RGS7: variants seen among roughly 807,000 people sequenced by gnomAD.
The protein encoded by RGS7 is regulator of G protein signaling 7, also known as regulator of G-protein signaling 7.
Under a neutral mutation model 81.1 loss-of-function variants are expected in RGS7, and 27 were observed. That is an observed-to-expected ratio of 0.33 (90% confidence interval 0.25 to 0.46). The LOEUF is 0.46. RGS7 is among the 20% of genes least tolerant of loss of function. The pLI is 1.00. For synonymous variants in RGS7, 208 were observed against 207.7 expected, an observed-to-expected ratio of 1.00 and a Z score of -0.01; for missense variants, 396 against 607.4, an observed-to-expected ratio of 0.65 and a Z score of 3.66.
intron 2 of RGS7, among the ~76,000 whole-genome samples, chr1:241,169,731 T>G (rs2070585084): frequency 6.6e-6 from 1 of 152,352 alleles, no homozygotes; most frequent in Non-Finnish European, 1.5e-5. Flanking sequence ...AGGTCATTTC[T>G]TAGTTATAAA....
chr1:240,962,050 G>GC (rs1210015078), intron 4 of RGS7, among the ~76,000 whole-genome samples: 1 of 152,094 alleles, frequency 6.6e-6, no homozygotes, highest in Non-Finnish European at 1.5e-5. Context: ...TTGAGTTCAT[G>GC]CCTCATGAAA....
chr1:241,161,816 C>T (rs1251972230), intron 2 of RGS7, among the ~76,000 whole-genome samples: 1 of 151,140 alleles, frequency 6.6e-6, no homozygotes, highest in African/African-American at 2.4e-5. Flanking sequence ...CTCCCAGGTT[C>T]AAGCGATTCT....
intron 2 of RGS7, among the ~76,000 whole-genome samples, chr1:241,165,644 G>T (rs1055265203): frequency 7.1e-6 from 1 of 140,036 alleles, no homozygotes; most frequent in East Asian, 2.3e-4. Flanking sequence ...GTAGGGGGAG[G>T]GGGGAGGGAT....
intron 2 of RGS7, among the ~76,000 whole-genome samples, chr1:241,281,639 T>C (rs2078518760): frequency 6.6e-6 from 1 of 152,200 alleles, no homozygotes; most frequent in South Asian, 2.1e-4. Context: ...AGACAATTCA[T>C]CTTGTAAACA....
intron 3 of RGS7, among the ~76,000 whole-genome samples, chr1:241,096,907 G>A (rs951327479): frequency 2.6e-5 from 4 of 152,076 alleles, no homozygotes; most frequent in Admixed American, 1.3e-4. Flanking sequence ...GGATGGCAAC[G>A]TAGTGCATTT....
intron 4 of RGS7, among the ~76,000 whole-genome samples, chr1:240,955,975 T>A (rs899523255): frequency 3.3e-5 from 5 of 152,340 alleles, no homozygotes; most frequent in African/African-American, 1.2e-4. Context: ...CACGATGGGT[T>A]GTCAGGTATA....
chr1:240,923,548 A>G (rs1673932018), intron 6 of RGS7, among the ~76,000 whole-genome samples: 1 of 152,090 alleles, frequency 6.6e-6, no homozygotes, highest in Non-Finnish European at 1.5e-5. Context: ...AGGAGCCACT[A>G]ACACCTGGCT....
intron 9 of RGS7, among the ~76,000 whole-genome samples, chr1:240,863,181 T>C (rs546431599): frequency 6.6e-6 from 1 of 152,110 alleles, no homozygotes; most frequent in Non-Finnish European, 1.5e-5. Flanking sequence ...TTATATATTT[T>C]AAAAATTTTA....
intron 6 of RGS7, among the ~76,000 whole-genome samples, chr1:240,909,216 T>C (rs1037470036): frequency 1.3e-5 from 2 of 152,194 alleles, no homozygotes; most frequent in African/African-American, 2.4e-5. Context: ...TCCTCATCAA[T>C]TTAGTTTGTT....
At chr1:241,272,390 A>G (rs1029499536) in intron 2 of RGS7, among the ~76,000 whole-genome samples, 4 of 152,098 alleles carry the variant, frequency 2.6e-5, no homozygotes, top group African/African-American at 9.7e-5. Context: ...CCCCCTCCCC[A>G]GCTTCCTGCT....
chr1:240,919,420 C>A (rs1673130185), intron 6 of RGS7, among the ~76,000 whole-genome samples: 2 of 151,882 alleles, frequency 1.3e-5, no homozygotes, highest in Admixed American at 1.3e-4. Flanking sequence ...GAATGGTTGA[C>A]AATTTATACA....
intron 3 of RGS7, among the ~76,000 whole-genome samples, chr1:241,047,552 T>G (rs2060999581): frequency 6.6e-6 from 1 of 152,138 alleles, no homozygotes; most frequent in African/African-American, 2.4e-5. Flanking sequence ...TACTTCAGCA[T>G]TATGAAATAC....
chr1:240,983,151 A>T, intron 3 of RGS7, 22 bp from the exon 4 acceptor site: 1 of 1,356,702 alleles, frequency 7.4e-7, no homozygotes, highest in African/African-American at 1.4e-5. Flanking sequence ...AAAAAGAAAA[A>T]CACAAACAGA....
chr1:240,981,569 G>A (rs1684926583), intron 4 of RGS7, among the ~76,000 whole-genome samples: 1 of 152,056 alleles, frequency 6.6e-6, no homozygotes, highest in African/African-American at 2.4e-5. Flanking sequence ...AAAAAAACAG[G>A]CATGCCACTG....
At chr1:241,310,311 T>C (rs1006404521) in intron 2 of RGS7, among the ~76,000 whole-genome samples, 2 of 152,152 alleles carry the variant, frequency 1.3e-5, no homozygotes, top group African/African-American at 4.8e-5. Context: ...TTCTGTTACG[T>C]ACATTTATCT....
intron 9 of RGS7, among the ~76,000 whole-genome samples, chr1:240,866,983 C>T (rs866700657): frequency 3.3e-5 from 5 of 152,196 alleles, no homozygotes; most frequent in Admixed American, 2.6e-4. Flanking sequence ...GAACATAACA[C>T]ATTGACTGGT....
At chr1:240,959,352 C>G (rs559646949) in intron 4 of RGS7, among the ~76,000 whole-genome samples, 9 of 152,306 alleles carry the variant, frequency 5.9e-5, no homozygotes, top group Non-Finnish European at 1.5e-5. Flanking sequence ...CTAGATGGCA[C>G]AGCCTACTAC....
rs2066122500 is a variant in RGS7 at position 241,119,764 on chromosome 1, A to T, written c.79-21002T>A. Among the ~76,000 whole-genome samples, 3 of 152,140 alleles carry T rather than the reference A, an allele frequency of 2.0e-5. No homozygotes were observed. In the South Asian group the frequency reaches 6.2e-4, roughly 31 times the overall value. On this transcript the variant is annotated intron_variant, in intron 2 of 18. Coordinates refer to ENST00000440928, the MANE Select transcript of RGS7 (RefSeq NM_001364886.1). ...CAAGTTTTCCAAAATTATAACTTTC[A>T]CTCACAAGTTTGTTATTGGCAACTA...
chr1:241,247,964 G>A (rs939030114), intron 2 of RGS7, among the ~76,000 whole-genome samples: 2 of 152,166 alleles, frequency 1.3e-5, no homozygotes, highest in African/African-American at 4.8e-5. Flanking sequence ...TGTTTCTTGA[G>A]TTTTCTGTAT....
Sources: allele counts gnomAD v4.1 joint callset (sites outside exome capture counted in the v4.1 genomes callset), GRCh38; gene constraint gnomAD v4.1.1; transcripts MANE v1.5; gene names NCBI Gene and HGNC (gene_info 2026-07-23, HGNC 2026-07-21).